ZMAT4: variants seen among roughly 807,000 people sequenced by gnomAD.
ZMAT4 encodes the protein zinc finger matrin-type 4.
In ZMAT4, 17 loss-of-function variants were observed where a neutral mutation model predicts 28.7. The observed-to-expected ratio is 0.59, with a 90% CI of 0.41 to 0.89. The LOEUF (loss-of-function observed/expected upper bound fraction) is 0.89. Among genes scored for constraint, ZMAT4 ranks in the 40% least tolerant of loss-of-function variants. ZMAT4 has a pLI of 0.00. For synonymous variants in ZMAT4, 117 were observed against 109.2 expected, an observed-to-expected ratio of 1.07 and a Z score of -0.44; for missense variants, 240 against 283.8, an observed-to-expected ratio of 0.85 and a Z score of 1.11.
At chr8:40,655,545 A>G (rs1205325217) in intron 5 of ZMAT4, among the ~76,000 whole-genome samples, 1 of 151,836 alleles carries the variant, frequency 6.6e-6, no homozygotes, top group Non-Finnish European at 1.5e-5. Flanking sequence ...ACACTTTTTG[A>G]GTTTAAAACT....
chr8:40,597,456 T>C (rs1229118596), intron 5 of ZMAT4, among the ~76,000 whole-genome samples: 1 of 152,180 alleles, frequency 6.6e-6, no homozygotes, highest in Non-Finnish European at 1.5e-5. Context: ...CCTGGATCTG[T>C]GTGGGGGTCG....
rs71224853 is a variant in ZMAT4 at position 40,794,094 on chromosome 8, G to GT, written c.103-26365dup. ...GACATCAAAAGGCAATTTTTTTAAT[G>GT]TTTTTTTTGGAAATTTTTGAACTCA... On this transcript the variant is annotated intron_variant, in intron 2 of 6. Coordinates refer to ENST00000297737, the MANE Select transcript of ZMAT4 (RefSeq NM_024645.3). Among the ~76,000 whole-genome samples the GT allele has an allele frequency of 4.9e-3, 742 of 151,848 alleles. 2 individuals carry two copies. Among genetic ancestry groups the GT allele is most frequent in the African/African-American group, 0.017 (688 of 41,376 alleles).
chr8:40,630,240 CT>C (rs1249833740), intron 5 of ZMAT4, among the ~76,000 whole-genome samples: 33 of 152,158 alleles, frequency 2.2e-4, no homozygotes, highest in African/African-American at 7.7e-4. Context: ...ATCCACAGTA[CT>C]TTTATTTGTA....
intron 1 of ZMAT4, among the ~76,000 whole-genome samples, chr8:40,829,657 C>T (rs1469514623): frequency 6.6e-6 from 1 of 152,168 alleles, no homozygotes; most frequent in African/African-American, 2.4e-5. Flanking sequence ...GAGACATACA[C>T]ACACCAACAC....
At chr8:40,609,663 A>T (rs1805723737) in intron 5 of ZMAT4, among the ~76,000 whole-genome samples, 1 of 150,550 alleles carries the variant, frequency 6.6e-6, no homozygotes, top group Admixed American at 6.6e-5. Context: ...GTAAGGTAAG[A>T]TTTTTTTTTT....
chr8:40,700,632 C>T (rs1810101102), intron 3 of ZMAT4, among the ~76,000 whole-genome samples: 3 of 151,776 alleles, frequency 2.0e-5, no homozygotes, highest in Admixed American at 2.0e-4. Flanking sequence ...ACCTGTTTTC[C>T]GGGCTGGCCT....
At chr8:40,675,362 A>C (rs1202675690) in intron 4 of ZMAT4, among the ~76,000 whole-genome samples, 2 of 152,190 alleles carry the variant, frequency 1.3e-5, no homozygotes, top group Admixed American at 6.5e-5. Flanking sequence ...TGGCATTTAG[A>C]GAAAAAAAAT....
At chr8:40,604,321 A>G (rs1026229335) in intron 5 of ZMAT4, among the ~76,000 whole-genome samples, 3 of 152,116 alleles carry the variant, frequency 2.0e-5, no homozygotes, top group Non-Finnish European at 2.9e-5. Context: ...AATGCTTTCA[A>G]CTTTTCCCCA....
chr8:40,553,980 A>G (rs963604918), intron 6 of ZMAT4, among the ~76,000 whole-genome samples: 1 of 152,188 alleles, frequency 6.6e-6, no homozygotes, highest in Non-Finnish European at 1.5e-5. Flanking sequence ...AAAGAAATTA[A>G]CAAGAGCATT....
At chr8:40,808,710 A>T (rs550091535) in intron 2 of ZMAT4, 1 of 272,342 alleles carries the variant, frequency 3.7e-6, no homozygotes, top group East Asian at 1.1e-4. Context: ...ATCAGTGAAG[A>T]GGAAGAAAAA....
At chr8:40,717,798 C>A in intron 3 of ZMAT4, among the ~76,000 whole-genome samples, 1 of 152,018 alleles carries the variant, frequency 6.6e-6, no homozygotes, top group African/African-American at 2.4e-5. Context: ...ACCTACTTTA[C>A]TAAAGTTATG....
At chr8:40,747,859 C>A (rs1812302013) in intron 3 of ZMAT4, among the ~76,000 whole-genome samples, 1 of 152,158 alleles carries the variant, frequency 6.6e-6, no homozygotes. Context: ...GGATTACATA[C>A]AGATGAAATG....
chr8:40,726,748 C>T (rs1811331071), intron 3 of ZMAT4, among the ~76,000 whole-genome samples: 1 of 152,178 alleles, frequency 6.6e-6, no homozygotes, highest in African/African-American at 2.4e-5. Flanking sequence ...TGCTTTTGTA[C>T]TATAACAGCA....
intron 5 of ZMAT4, among the ~76,000 whole-genome samples, chr8:40,665,880 T>C (rs1808393871): frequency 6.6e-6 from 1 of 152,204 alleles, no homozygotes; most frequent in African/African-American, 2.4e-5. Flanking sequence ...AATTCAATGA[T>C]ATTGACTGTC....
At chr8:40,726,249 T>A (rs1479966137) in intron 3 of ZMAT4, among the ~76,000 whole-genome samples, 1 of 152,244 alleles carries the variant, frequency 6.6e-6, no homozygotes, top group Non-Finnish European at 1.5e-5. Flanking sequence ...CAAAGATATT[T>A]TGTGTTAAAA....
chr8:40,736,284 G>A (rs1292861744), intron 3 of ZMAT4, among the ~76,000 whole-genome samples: 1 of 152,166 alleles, frequency 6.6e-6, no homozygotes, highest in Non-Finnish European at 1.5e-5. Flanking sequence ...AGCTCACCAG[G>A]AAAATGTACA....
At chr8:40,713,921 C>CAAAAAAAAAAAAAAAAAAAAAAAAA (rs532317102) in intron 3 of ZMAT4, among the ~76,000 whole-genome samples, 27 of 49,748 alleles carry the variant, frequency 5.4e-4, no homozygotes, top group Non-Finnish European at 7.7e-4. Context: ...AAAACAAAAC[C>CAAAAAAAAAAAAAAAAAAAAAAAAA]AAAAAAAAAA....
chr8:40,678,965 T>C (rs1809026218), intron 4 of ZMAT4, among the ~76,000 whole-genome samples: 1 of 152,204 alleles, frequency 6.6e-6, no homozygotes, highest in Non-Finnish European at 1.5e-5. Flanking sequence ...TGCCTTATTA[T>C]ACATCCCAAA....
At chr8:40,645,072 G>A (rs774420840) in intron 5 of ZMAT4, among the ~76,000 whole-genome samples, 3 of 151,978 alleles carry the variant, frequency 2.0e-5, no homozygotes, top group Non-Finnish European at 4.4e-5. Context: ...AACAGAAAAA[G>A]GACACTCAGT....
Sources: gnomAD v4.1 joint callset for allele counts (sites outside exome capture counted in the v4.1 genomes callset) on GRCh38, gnomAD v4.1.1 for gene constraint, MANE v1.5 for transcripts, NCBI Gene and HGNC (gene_info 2026-07-23, HGNC 2026-07-21) for gene names.